IMMT: variants seen among roughly 807,000 people sequenced by gnomAD.
IMMT encodes inner membrane mitochondrial protein, also known as MICOS complex subunit MIC60.
In IMMT, 40 loss-of-function variants were observed where a neutral mutation model predicts 92.7. The observed-to-expected ratio is 0.43, with a 90% CI of 0.34 to 0.56. The LOEUF is 0.56. Ranked by LOEUF, IMMT falls within the 20% of genes least tolerant of loss-of-function variation. IMMT has a pLI of 0.03. For missense variants in IMMT, 831 were observed against 912.1 expected (o/e 0.91, Z 1.14); for synonymous variants, 322 against 336.1 (o/e 0.96, Z 0.46).
chr2:86,177,898 A>G (rs1677542526), intron 3 of IMMT, among the ~76,000 whole-genome samples: 1 of 152,190 alleles, frequency 6.6e-6, no homozygotes, highest in Non-Finnish European at 1.5e-5. Context: ...CCTCTACCCA[A>G]GTATCTCCTC....
intron 1 of IMMT, among the ~76,000 whole-genome samples, chr2:86,182,895 A>T (rs1672529247): frequency 6.6e-6 from 1 of 151,858 alleles, no homozygotes; most frequent in South Asian, 2.1e-4. Flanking sequence ...AACAAAAAAT[A>T]CCAAACAAAC....
rs770027945 is a variant in IMMT, at chr2:86,181,285, GACATAAT to G, written c.119+7_119+13del. The G allele has an allele frequency of 1.2e-6, 2 of 1,600,736 alleles. No individual in the cohort carries two copies. The highest frequency in any genetic ancestry group is 3.3e-5 in the Admixed American group (2 of 59,982). On this transcript the variant is annotated splice_region_variant and intron_variant, in intron 2 of 14. Coordinates refer to ENST00000410111, the MANE Select transcript of IMMT (RefSeq NM_006839.3). The stretch of plus-strand genomic sequence containing the variant: ...ACAGTGAAAAGCCTGGTTATAGGGA[GACATAAT>G]ACATACCCAGAGCTGCCTGAAGTAG...
rs1131071 is a variant in IMMT at position 86,158,605 on chromosome 2, C to A, written c.1149G>T (p.Gly383=). 1 of 1,602,520 alleles carries A rather than the reference C, an allele frequency of 6.2e-7. No individual in the cohort carries two copies. The highest frequency in any genetic ancestry group is 8.5e-7 in the Non-Finnish European group (1 of 1,173,562). Residue 383 remains glycine (G), a synonymous_variant, in exon 10 of 15, where the codon GGG becomes GGT. Transcript: ENST00000410111. ...LDSITPEVLP[G]WKGMSVSDLA... Reference sequence around the variant, plus strand: ...AGTTGTACTCACTCATTCCTTTCCACCCAGGAAGGACTTCTGGAGTAATAC... The same window carrying A: ...AGTTGTACTCACTCATTCCTTTCCAACCAGGAAGGACTTCTGGAGTAATAC...
At position 86,179,487 on chromosome 2, in the gene IMMT, G is replaced by T; in HGVS notation, c.255C>A (p.Leu85=). 6.2e-7 allele frequency: 1 copy of T among 1,613,142 alleles called. No individual in the cohort carries two copies. The highest frequency in any genetic ancestry group is 8.5e-7 in the Non-Finnish European group (1 of 1,179,620). Residue 85 remains leucine (L), a synonymous_variant, in exon 3 of 15, where the codon CTC becomes CTA. Transcript: ENST00000410111. ...VEKTIPYSDK[L]FEMVLGPAAY... ...CTGCAGGACCAAGAACCATCTCGAA[G>T]AGTTTGTCTGAGTAAGGTATGGTTT...
At chr2:86,192,404 T>C (rs1673191500) in intron 1 of IMMT, among the ~76,000 whole-genome samples, 1 of 152,164 alleles carries the variant, frequency 6.6e-6, no homozygotes, top group Non-Finnish European at 1.5e-5. Context: ...GCCCAGAAGC[T>C]GAAGACCAGC....
intron 8 of IMMT, 125 bp downstream of exon 8, chr2:86,161,851 G>T: frequency 1.5e-6 from 1 of 672,922 alleles, no homozygotes; most frequent in Non-Finnish European, 2.7e-6. Context: ...ACAAGCACAG[G>T]TGGAAAAGTG....
chr2:86,194,666 C>A (rs548485770), intron 1 of IMMT, among the ~76,000 whole-genome samples: 3 of 152,160 alleles, frequency 2.0e-5, no homozygotes, highest in Admixed American at 2.0e-4. Flanking sequence ...GGTATTTAGG[C>A]TCCTTGAATG....
intron 11 of IMMT, among the ~76,000 whole-genome samples, 192 bp from the exon 12 acceptor site, chr2:86,151,712 G>A (rs954301238): frequency 6.6e-6 from 1 of 152,108 alleles, no homozygotes; most frequent in Non-Finnish European, 1.5e-5. Flanking sequence ...TTCAACCCCT[G>A]GCAAAATTCA....
chr2:86,194,517 T>C (rs1673394572), intron 1 of IMMT, among the ~76,000 whole-genome samples: 1 of 152,230 alleles, frequency 6.6e-6, no homozygotes, highest in African/African-American at 2.4e-5. Flanking sequence ...CAATTACTGC[T>C]TGAGTCACAG....
At chr2:86,185,034 GA>G (rs1284560987) in intron 1 of IMMT, among the ~76,000 whole-genome samples, 1 of 151,878 alleles carries the variant, frequency 6.6e-6, no homozygotes, top group Non-Finnish European at 1.5e-5. Flanking sequence ...TAAAAATACA[GA>G]AAATTAGCCG....
At chr2:86,165,567 T>C (rs1193902574) in intron 7 of IMMT, among the ~76,000 whole-genome samples, 3 of 152,252 alleles carry the variant, frequency 2.0e-5, no homozygotes, top group African/African-American at 7.2e-5. Flanking sequence ...ACTGACCATG[T>C]ATGATCCTGA....
chr2:86,147,176 G>GA (rs1675081764), intron 13 of IMMT, among the ~76,000 whole-genome samples: 1 of 152,058 alleles, frequency 6.6e-6, no homozygotes, highest in Non-Finnish European at 1.5e-5. Flanking sequence ...ATTTTTCTCA[G>GA]AAAAATATCC....
chr2:86,159,692 G>T (rs368849786), intron 8 of IMMT, 21 bp from the exon 9 acceptor site: 199 of 1,523,614 alleles, frequency 1.3e-4, no homozygotes, highest in Admixed American at 1.8e-4. Flanking sequence ...ACAAAACAAA[G>T]ATTTAATATA....
rs1674861509 is a variant in IMMT at position 86,144,717 on chromosome 2, G to C, written c.1828C>G (p.Gln610Glu). ...KANCSDNEFT[Q>E]ALTAAIPPES... The stretch of plus-strand genomic sequence containing the variant: ...GGAGGGATAGCTGCGGTTAAAGCTT[G>C]GGTGAATTCATTATCAGAACAGTTG... Residue 610 changes from glutamine to glutamate, a missense_variant, in exon 15 of 15, where the codon CAA becomes GAA. Transcript: ENST00000410111. 1 of 1,613,832 alleles carries C rather than the reference G, an allele frequency of 6.2e-7. No homozygotes were observed. Among genetic ancestry groups the C allele is most frequent in the Non-Finnish European group, 8.5e-7 (1 of 1,179,912 alleles).
chr2:86,182,832 T>C (rs956733323), intron 1 of IMMT, among the ~76,000 whole-genome samples: 4 of 149,900 alleles, frequency 2.7e-5, no homozygotes, highest in African/African-American at 9.8e-5. Context: ...GCCTGGGCAA[T>C]AGAATGAGAC....
chr2:86,161,612 G>C (rs1573902346), intron 8 of IMMT, among the ~76,000 whole-genome samples: 1 of 141,476 alleles, frequency 7.1e-6, no homozygotes, highest in African/African-American at 2.7e-5. Context: ...CTCCTGGGTT[G>C]AGGTGATTCT....
intron 1 of IMMT, among the ~76,000 whole-genome samples, chr2:86,183,291 C>T (rs1163698830): frequency 1.3e-5 from 2 of 151,784 alleles, no homozygotes; most frequent in East Asian, 1.9e-4. Flanking sequence ...AAAGTCACAT[C>T]AGTTTTTCTT....
In IMMT at chr2:86,195,197, C is replaced by G. The variant is rs112444500; in HGVS notation, c.45+141G>C. ...GAACTCCCTGGTGGCTGCCTAGCTG[C>G]CCGCCCGGGCCTCTCCCGACGAGGG... On this transcript the variant is annotated intron_variant, in intron 1 of 14. Coordinates refer to ENST00000410111, the MANE Select transcript of IMMT (RefSeq NM_006839.3). 226 of 886,482 alleles carry G rather than the reference C, an allele frequency of 2.5e-4. 2 individuals carry two copies. The African/African-American group carries it at 3.3e-3, about 13-fold the overall frequency. 54.9% of individuals were successfully genotyped at this position (886,482 alleles called of 1,614,324 possible).
chr2:86,146,845 C>G (rs1003303023), intron 13 of IMMT, among the ~76,000 whole-genome samples: 7 of 152,180 alleles, frequency 4.6e-5, no homozygotes, highest in African/African-American at 1.7e-4. Flanking sequence ...ACTGCAACCT[C>G]CACCTCCCAG....
Sources: gnomAD v4.1 joint callset for allele counts (sites outside exome capture counted in the v4.1 genomes callset) on GRCh38, gnomAD v4.1.1 for gene constraint, MANE v1.5 for transcripts, NCBI Gene and HGNC (gene_info 2026-07-23, HGNC 2026-07-21) for gene names.